TNFRSF11A: variants seen among roughly 807,000 people sequenced by gnomAD.
TNFRSF11A encodes the protein tumor necrosis factor receptor superfamily member 11A.
Under a neutral mutation model 55.7 loss-of-function variants are expected in TNFRSF11A, and 32 were observed. The ratio of observed to expected loss-of-function variants is 0.57; its 90% CI spans 0.43 to 0.77. The LOEUF is 0.77. Ranked by LOEUF, TNFRSF11A falls within the 30% of genes least tolerant of loss-of-function variation. The pLI is 0.00. For synonymous variants in TNFRSF11A, 311 were observed against 331.0 expected (o/e 0.94, Z 0.65); for missense variants, 753 against 809.8 (o/e 0.93, Z 0.85).
intron 8 of TNFRSF11A, among the ~76,000 whole-genome samples, 167 bp downstream of exon 8, chr18:62,366,927 C>T (rs1332521231): frequency 6.6e-6 from 1 of 151,670 alleles, no homozygotes; most frequent in Non-Finnish European, 1.5e-5. Context: ...CAGCTCACTG[C>T]AACCTCCACC....
At chr18:62,334,435 G>A (rs571007558) in intron 1 of TNFRSF11A, among the ~76,000 whole-genome samples, 8 of 152,228 alleles carry the variant, frequency 5.3e-5, no homozygotes, top group East Asian at 1.9e-4. Context: ...CTCTCCACGC[G>A]TGTTCATCCC....
At chr18:62,378,607 T>C (rs889275007) in intron 9 of TNFRSF11A, among the ~76,000 whole-genome samples, 3 of 152,378 alleles carry the variant, frequency 2.0e-5, no homozygotes, top group East Asian at 3.9e-4. Flanking sequence ...ACTGACTCTT[T>C]GCTATTTCCC....
At chr18:62,353,639 G>C (rs1909003675) in intron 3 of TNFRSF11A, among the ~76,000 whole-genome samples, 1 of 152,182 alleles carries the variant, frequency 6.6e-6, no homozygotes, top group South Asian at 2.1e-4. Flanking sequence ...ATATGAATCT[G>C]CAAATAATGA....
rs1314616380 is a variant in TNFRSF11A, at chr18:62,366,689, C to G, written c.731-19C>G. On this transcript the variant is annotated intron_variant, in intron 7 of 9. Transcript: ENST00000586569. ...GAAATAATAACTTGAAGTCCTTATC[C>G]TTGCTTTGTGTTTTCTAGCTAATTT... 3.1e-6 allele frequency: 5 copies of G among 1,613,672 alleles called. No individual in the cohort carries two copies. The highest frequency in any genetic ancestry group is 4.2e-6 in the Non-Finnish European group (5 of 1,179,800).
In TNFRSF11A at chr18:62,325,864, G is replaced by T. The variant is rs1202037360; in HGVS notation, c.75+437G>T. Among the ~76,000 whole-genome samples the T allele has an allele frequency of 2.0e-5, 3 of 152,222 alleles. No individual in the cohort carries two copies. The highest frequency in any genetic ancestry group is 4.4e-5 in the Non-Finnish European group (3 of 68,024). ...GGCCTCCGTCCCAAATTTCCACCCG[G>T]AAAGAGACATGATTCCCTCCGTCCC... is the stretch of plus-strand genomic sequence containing the variant. On this transcript the variant is annotated intron_variant, in intron 1 of 9. Coordinates refer to ENST00000586569, the MANE Select transcript of TNFRSF11A (RefSeq NM_003839.4). The surrounding 1 kb of genome is among the most constrained non-coding windows in gnomAD (Gnocchi z 4.7).
chr18:62,342,417 A>AAAAAAAAAAAAAAAAAAAAAAAAAAAC (rs2046326809), intron 1 of TNFRSF11A, among the ~76,000 whole-genome samples: 1 of 150,786 alleles, frequency 6.6e-6, no homozygotes, highest in Non-Finnish European at 1.5e-5. Flanking sequence ...AAAAAAAAAA[A>AAAAAAAAAAAAAAAAAAAAAAAAAAAC]AAAAAAAATC....
chr18:62,349,036 A>G (rs1350346341), intron 2 of TNFRSF11A, among the ~76,000 whole-genome samples: 2 of 152,160 alleles, frequency 1.3e-5, no homozygotes, highest in Non-Finnish European at 2.9e-5. Flanking sequence ...GAAGTTGCCT[A>G]TCCAGATGGA....
intron 5 of TNFRSF11A, among the ~76,000 whole-genome samples, chr18:62,359,476 C>T (rs1403526936): frequency 6.6e-6 from 1 of 152,018 alleles, no homozygotes; most frequent in Non-Finnish European, 1.5e-5. Flanking sequence ...ACCTCCTGGG[C>T]TCAAGCAATC....
chr18:62,361,444 C>T (rs1240497963), intron 6 of TNFRSF11A, among the ~76,000 whole-genome samples: 2 of 152,138 alleles, frequency 1.3e-5, no homozygotes, highest in Non-Finnish European at 2.9e-5. Flanking sequence ...CGTAATGGCC[C>T]TGGCTGCTCT....
At chr18:62,372,360 G>A (rs1378825638) in intron 9 of TNFRSF11A, among the ~76,000 whole-genome samples, 2 of 152,146 alleles carry the variant, frequency 1.3e-5, no homozygotes, top group Non-Finnish European at 2.9e-5. Context: ...TATTTCATGC[G>A]AAAGAAACCA....
chr18:62,354,641 A>T (rs1909116517), intron 4 of TNFRSF11A, 107 bp downstream of exon 4: 2 of 1,522,472 alleles, frequency 1.3e-6, no homozygotes, highest in Non-Finnish European at 1.8e-6. Context: ...GCTAGGCAGC[A>T]TTGGAGGAAC....
chr18:62,331,393 G>T (rs1435607907), intron 1 of TNFRSF11A, among the ~76,000 whole-genome samples: 1 of 152,132 alleles, frequency 6.6e-6, no homozygotes, highest in Non-Finnish European at 1.5e-5. Context: ...CAAAAAAGAA[G>T]GATTACGTTT....
intron 8 of TNFRSF11A, 83 bp downstream of exon 8, chr18:62,366,843 C>T (rs1568488813): frequency 2.0e-6 from 2 of 1,016,948 alleles, no homozygotes; most frequent in Non-Finnish European, 2.9e-6. Flanking sequence ...ATATTGAGCA[C>T]CCCCCCCCAC....
At chr18:62,382,642 T>C (rs1328487870) in intron 9 of TNFRSF11A, among the ~76,000 whole-genome samples, 1 of 151,924 alleles carries the variant, frequency 6.6e-6, no homozygotes, top group Non-Finnish European at 1.5e-5. Flanking sequence ...GTGTGTTTTG[T>C]TTTGGTTTTC....
In TNFRSF11A at chr18:62,388,867, C is replaced by G. The variant is rs147121125; in HGVS notation, c.*3833C>G. 5.3e-5 allele frequency: 8 copies of G among 152,284 alleles called. No homozygotes were observed. The highest frequency in any genetic ancestry group is 3.9e-4 in the Admixed American group (6 of 15,308). The allele number at this position is 152,284 out of a possible 1,614,324, so 9.4% of individuals were successfully genotyped here. The stretch of plus-strand genomic sequence containing the variant: ...ACCTGCATATAAACAGATAAAAGAT[C>G]GAGTGTTCACCCTTCACCTCAGCTC... On this transcript the variant is annotated 3_prime_UTR_variant, in exon 10 of 10. Coordinates refer to ENST00000586569, the MANE Select transcript of TNFRSF11A (RefSeq NM_003839.4).
At chr18:62,363,411 C>T (rs1209561200) in intron 7 of TNFRSF11A, among the ~76,000 whole-genome samples, 1 of 138,842 alleles carries the variant, frequency 7.2e-6, no homozygotes, top group East Asian at 2.2e-4. Context: ...CTCTGTCGCC[C>T]AAGCTGGAGT....
At chr18:62,345,210 G>A (rs2046365874) in intron 1 of TNFRSF11A, among the ~76,000 whole-genome samples, 1 of 152,166 alleles carries the variant, frequency 6.6e-6, no homozygotes, top group African/African-American at 2.4e-5. Context: ...GAGGAAAAGG[G>A]TCTGCAAGTG....
intron 1 of TNFRSF11A, among the ~76,000 whole-genome samples, chr18:62,335,597 CGG>C (rs1000630580): frequency 6.6e-6 from 1 of 151,944 alleles, no homozygotes; most frequent in African/African-American, 2.4e-5. Context: ...GCATGAGTGA[CGG>C]GCACAAAGAG....
chr18:62,359,312 CTG>C (rs1568484829), intron 5 of TNFRSF11A, among the ~76,000 whole-genome samples: 1 of 152,122 alleles, frequency 6.6e-6, no homozygotes, highest in Non-Finnish European at 1.5e-5. Context: ...AGAGGATTTT[CTG>C]TGTTTTTCAA....
Sources: gnomAD v4.1 joint callset for allele counts (sites outside exome capture counted in the v4.1 genomes callset) on GRCh38, gnomAD v4.1.1 for gene constraint, Gnocchi (gnomAD v3.1) non-coding constraint, MANE v1.5 for transcripts, NCBI Gene and HGNC (gene_info 2026-07-23, HGNC 2026-07-21) for gene names.